Variants in RNFT2 observed in about 807,000 individuals in gnomAD.
The protein encoded by RNFT2 is ring finger protein, transmembrane 2.
Under a neutral mutation model 53.0 loss-of-function variants are expected in RNFT2, and 36 were observed. The observed-to-expected ratio is 0.68, with a 90% CI of 0.52 to 0.90. The LOEUF (loss-of-function observed/expected upper bound fraction) is 0.90. Ranked by LOEUF, RNFT2 falls within the 40% of genes least tolerant of loss-of-function variation. The probability of loss-of-function intolerance (pLI) is 0.00; values close to 1 mark genes in which losing one functional copy is unlikely to be tolerated. For synonymous variants in RNFT2, 260 were observed against 253.2 expected, an observed-to-expected ratio of 1.03 and a Z score of -0.26; for missense variants, 514 against 585.6, an observed-to-expected ratio of 0.88 and a Z score of 1.26.
intron 6 of RNFT2, among the ~76,000 whole-genome samples, chr12:116,774,322 A>C (rs927975147): frequency 5.3e-5 from 8 of 152,224 alleles, no homozygotes; most frequent in African/African-American, 1.9e-4. Flanking sequence ...TTTTACCACA[A>C]TTAGAAAAAA....
At chr12:116,748,027 TA>T (rs1871995895) in intron 3 of RNFT2, among the ~76,000 whole-genome samples, 1 of 151,942 alleles carries the variant, frequency 6.6e-6, no homozygotes. Flanking sequence ...CCTATCTCTC[TA>T]AAAATACAAA....
At chr12:116,745,338 C>G (rs1430123864) in intron 3 of RNFT2, among the ~76,000 whole-genome samples, 1 of 152,044 alleles carries the variant, frequency 6.6e-6, no homozygotes, top group East Asian at 1.9e-4. Context: ...CCATGCCCGG[C>G]TAATTTTTGT....
chr12:116,841,791 AT>A (rs1877274440), intron 10 of RNFT2, among the ~76,000 whole-genome samples: 1 of 93,260 alleles, frequency 1.1e-5, no homozygotes, highest in Admixed American at 1.5e-4. Context: ...ATATATATAT[AT>A]AAATATATAT....
In RNFT2 at chr12:116,776,449, C is replaced by T. The variant is rs751721821; in HGVS notation, c.729-2746C>T. On this transcript the variant is annotated intron_variant, in intron 6 of 10. Coordinates refer to ENST00000257575, the MANE Select transcript of RNFT2 (RefSeq NM_001382266.1). Reference sequence around the variant, plus strand: ...GGAAGGGCAAGAGCAGAGCTAAAGACGGGAGCTCAGGGCCGCAAACCTCTC... The same window carrying T: ...GGAAGGGCAAGAGCAGAGCTAAAGATGGGAGCTCAGGGCCGCAAACCTCTC... Among the ~76,000 whole-genome samples, 12 of 152,138 alleles carry T rather than the reference C, an allele frequency of 7.9e-5. No homozygotes were observed. In the East Asian group the frequency reaches 1.9e-3, roughly 24 times the overall value.
intron 7 of RNFT2, among the ~76,000 whole-genome samples, chr12:116,830,180 A>G (rs1166989346): frequency 2.0e-5 from 3 of 152,350 alleles, no homozygotes; most frequent in East Asian, 1.9e-4. Flanking sequence ...CCAGAGTCCA[A>G]TTAGCAAGGG....
chr12:116,772,724 A>G (rs1873257689), intron 6 of RNFT2, among the ~76,000 whole-genome samples: 1 of 152,218 alleles, frequency 6.6e-6, no homozygotes, highest in Non-Finnish European at 1.5e-5. Flanking sequence ...ATATTTATAC[A>G]TATTTGTTGT....
intron 6 of RNFT2, among the ~76,000 whole-genome samples, chr12:116,769,155 C>T (rs964027951): frequency 5.9e-5 from 9 of 152,046 alleles, no homozygotes; most frequent in African/African-American, 2.2e-4. Flanking sequence ...GTCAGGAGTT[C>T]AAGACCACCC....
chr12:116,848,795 T>G (rs1435433235), intron 10 of RNFT2, among the ~76,000 whole-genome samples: 1 of 148,968 alleles, frequency 6.7e-6, no homozygotes, highest in Non-Finnish European at 1.5e-5. Context: ...CTGTTCCTTC[T>G]CCCTCCTGCT....
intron 7 of RNFT2, among the ~76,000 whole-genome samples, chr12:116,827,549 A>G (rs1228240482): frequency 2.0e-5 from 3 of 152,248 alleles, no homozygotes; most frequent in Non-Finnish European, 4.4e-5. Context: ...ACCACAGGTC[A>G]GAAAACTACA....
chr12:116,797,770 G>A (rs1301004209), intron 7 of RNFT2, among the ~76,000 whole-genome samples: 2 of 152,204 alleles, frequency 1.3e-5, no homozygotes, highest in Non-Finnish European at 2.9e-5. Context: ...TAGGCAGAGA[G>A]TAGCACCTCA....
chr12:116,800,761 C>T (rs2137149759), intron 7 of RNFT2, among the ~76,000 whole-genome samples: 1 of 151,522 alleles, frequency 6.6e-6, no homozygotes, highest in African/African-American at 2.4e-5. Context: ...TTGCAGTGAG[C>T]TGAGATTGTG....
chr12:116,763,736 G>A (rs1448169727), intron 5 of RNFT2, among the ~76,000 whole-genome samples: 9 of 145,574 alleles, frequency 6.2e-5, no homozygotes, highest in Non-Finnish European at 1.1e-4. Flanking sequence ...CCGAGATCGC[G>A]CCACTGCACT....
Position 116,752,455 on chromosome 12 carries a change from T to G in RNFT2, c.551-1529T>G, listed in dbSNP as rs142109517. Among the ~76,000 whole-genome samples the G allele has an allele frequency of 5.1e-3, 780 of 152,316 alleles. 32 individuals carry two copies. Among genetic ancestry groups the G allele is most frequent in the Admixed American group, 0.045 (686 of 15,292 alleles). ...TGGCAGGTTTTTTTTGTTTTGTTTT[T>G]TAATCAAAGAGAAGAGTACCAAAAA... On this transcript the variant is annotated intron_variant, in intron 4 of 10. Coordinates refer to ENST00000257575, the MANE Select transcript of RNFT2 (RefSeq NM_001382266.1).
chr12:116,849,760 T>A lies in RNFT2; in HGVS notation c.*312T>A. On this transcript the variant is annotated 3_prime_UTR_variant, in exon 11 of 11. Coordinates refer to ENST00000257575, the MANE Select transcript of RNFT2 (RefSeq NM_001382266.1). ...CCTGGCAATACATGAAGTTCCCACT[T>A]GTTGGTTATTTTCTCTTTCTTTTTT... 1 of 1,162,132 alleles carries A rather than the reference T, an allele frequency of 8.6e-7. No individual in the cohort carries two copies. Among genetic ancestry groups the A allele is most frequent in the Non-Finnish European group, 1.1e-6 (1 of 943,118 alleles). The allele number at this position is 1,162,132 out of a possible 1,614,324, so 72.0% of individuals were successfully genotyped here. A position where few individuals can be genotyped will look rare whatever the true frequency, so the allele number is the denominator to read the frequency against.
chr12:116,796,585 G>A (rs1001378700), intron 7 of RNFT2, among the ~76,000 whole-genome samples: 1 of 152,126 alleles, frequency 6.6e-6, no homozygotes, highest in African/African-American at 2.4e-5. Flanking sequence ...AGAACCAAGA[G>A]GATTCATGGG....
intron 5 of RNFT2, among the ~76,000 whole-genome samples, chr12:116,766,123 T>A (rs199657033): frequency 6.6e-6 from 1 of 151,650 alleles, no homozygotes; most frequent in African/African-American, 2.4e-5. Flanking sequence ...AAATAAAAAT[T>A]TTTTTTTAAT....
chr12:116,809,237 G>C (rs1875240823), intron 7 of RNFT2, among the ~76,000 whole-genome samples: 2 of 152,168 alleles, frequency 1.3e-5, no homozygotes, highest in Admixed American at 1.3e-4. Flanking sequence ...CCTGGGAGCA[G>C]AGTCGTGGCT....
chr12:116,776,062 A>T (rs930126006), intron 6 of RNFT2, among the ~76,000 whole-genome samples: 1 of 152,074 alleles, frequency 6.6e-6, no homozygotes, highest in Non-Finnish European at 1.5e-5. Flanking sequence ...AAAAACTCGT[A>T]ATTATTGGTG....
intron 7 of RNFT2, among the ~76,000 whole-genome samples, chr12:116,783,083 T>C (rs1372180209): frequency 1.3e-5 from 2 of 152,218 alleles, no homozygotes; most frequent in African/African-American, 4.8e-5. Flanking sequence ...AAATCACTAC[T>C]ATGCCCATCT....
Sources: gnomAD v4.1 joint callset for allele counts (sites outside exome capture counted in the v4.1 genomes callset) on GRCh38, gnomAD v4.1.1 for gene constraint, MANE v1.5 for transcripts, NCBI Gene and HGNC (gene_info 2026-07-23, HGNC 2026-07-21) for gene names.